The following GABRB2 variants were observed in gnomAD, a reference collection of about 807,000 sequenced individuals.
GABRB2 encodes the protein gamma-aminobutyric acid type A receptor subunit beta2.
GABRB2 carries 16 observed loss-of-function variants against 54.7 expected under a neutral mutation model. The ratio of observed to expected loss-of-function variants is 0.29; its 90% CI spans 0.20 to 0.44. The LOEUF (loss-of-function observed/expected upper bound fraction) is 0.44, where lower values mean the gene tolerates loss of function less well. Among genes scored for constraint, GABRB2 ranks in the 20% least tolerant of loss-of-function variants. GABRB2 has a pLI of 1.00. For synonymous variants in GABRB2, 244 were observed against 233.8 expected (o/e 1.04, Z -0.40); for missense variants, 355 against 644.0 (o/e 0.55, Z 4.86).
At chr5:161,467,669 T>C (rs1758317970) in intron 3 of GABRB2, among the ~76,000 whole-genome samples, 2 of 152,086 alleles carry the variant, frequency 1.3e-5, no homozygotes, top group South Asian at 2.1e-4. Flanking sequence ...TTTCCAAAGA[T>C]TGGAATACCA....
chr5:161,328,028 C>G (rs1445094920), intron 8 of GABRB2, among the ~76,000 whole-genome samples: 1 of 152,080 alleles, frequency 6.6e-6, no homozygotes, highest in African/African-American at 2.4e-5. Flanking sequence ...GTCTGGAAAG[C>G]TTGATGGTCA....
At chr5:161,382,072 G>A (rs1197729998) in intron 5 of GABRB2, among the ~76,000 whole-genome samples, 3 of 152,128 alleles carry the variant, frequency 2.0e-5, no homozygotes. Flanking sequence ...TCTAATCTCA[G>A]CCTTGCTGTG....
chr5:161,481,204 C>T (rs757910002), intron 3 of GABRB2, among the ~76,000 whole-genome samples: 1 of 151,896 alleles, frequency 6.6e-6, no homozygotes, highest in Non-Finnish European at 1.5e-5. Flanking sequence ...TTAAAGGTAA[C>T]TAGATGAATG....
At chr5:161,547,482 GC>G, upstream of GABRB2, among the ~76,000 whole-genome samples, 1 of 151,938 alleles carries the variant, frequency 6.6e-6, no homozygotes, top group East Asian at 1.9e-4. Context: ...CTCACCCTTT[GC>G]CCCCTATTCC....
chr5:161,498,410 C>T (rs1561672315), intron 3 of GABRB2, among the ~76,000 whole-genome samples: 2 of 151,666 alleles, frequency 1.3e-5, no homozygotes, highest in African/African-American at 4.8e-5. Flanking sequence ...TATCTATTGG[C>T]TTTGAGATGC....
At chr5:161,499,974 G>A (rs1759379986) in intron 3 of GABRB2, among the ~76,000 whole-genome samples, 1 of 152,102 alleles carries the variant, frequency 6.6e-6, no homozygotes, top group African/African-American at 2.4e-5. Context: ...AAAAAAAGAA[G>A]TCATTCAAAA....
chr5:161,454,965 C>T (rs10038621), intron 4 of GABRB2, among the ~76,000 whole-genome samples: 17,355 of 152,158 alleles, frequency 0.11, 1,210 homozygotes, highest in African/African-American at 0.18. Flanking sequence ...ATGCTGCAAT[C>T]GTGTGCTTTT....
chr5:161,349,477 C>A (rs1328594482), intron 5 of GABRB2, among the ~76,000 whole-genome samples: 3 of 152,006 alleles, frequency 2.0e-5, no homozygotes, highest in Non-Finnish European at 2.9e-5. Flanking sequence ...TTTGATAGCC[C>A]ACAAATGGTG....
At chr5:161,398,674 T>C (rs1441490484) in intron 5 of GABRB2, among the ~76,000 whole-genome samples, 2 of 150,566 alleles carry the variant, frequency 1.3e-5, no homozygotes, top group African/African-American at 2.5e-5. Context: ...TTGTCTGTTT[T>C]TTTTGTTGTT....
chr5:161,437,473 G>A (rs373569811), intron 4 of GABRB2, among the ~76,000 whole-genome samples: 3 of 152,048 alleles, frequency 2.0e-5, no homozygotes. Flanking sequence ...AAGACCCTTT[G>A]GGCCCTGACT....
chr5:161,400,487 G>A (rs561826829), intron 5 of GABRB2, among the ~76,000 whole-genome samples: 1 of 152,014 alleles, frequency 6.6e-6, no homozygotes, highest in Non-Finnish European at 1.5e-5. Flanking sequence ...ATGTTGTGAA[G>A]TCCTAAACTG....
intron 5 of GABRB2, among the ~76,000 whole-genome samples, chr5:161,367,643 C>A (rs990014077): frequency 1.3e-5 from 2 of 152,146 alleles, no homozygotes; most frequent in African/African-American, 2.4e-5. Flanking sequence ...TGCACATACA[C>A]ATTTATTATA....
intron 9 of GABRB2, among the ~76,000 whole-genome samples, chr5:161,309,019 TTAAAC>T (rs1757781580): frequency 1.3e-5 from 2 of 152,268 alleles, no homozygotes; most frequent in African/African-American, 4.8e-5. Context: ...TGAGGTGTGA[TTAAAC>T]TAAAGAGCTC....
intron 9 of GABRB2, among the ~76,000 whole-genome samples, chr5:161,317,654 C>T (rs1327390360): frequency 6.6e-6 from 1 of 151,986 alleles, no homozygotes. Flanking sequence ...AGAATAAGTA[C>T]ATGGACAATT....
Position 161,346,313 on chromosome 5 carries a change from T to A in GABRB2, c.542-9544A>T, listed in dbSNP as rs73797579. ...CACAATTTTCTCCAGAAGGAGCTAA[T>A]ACCTACAGCTCAAATGGAATAATGT... On this transcript the variant is annotated intron_variant, in intron 5 of 9. Transcript: ENST00000393959. Among the ~76,000 whole-genome samples, 657 of 152,218 alleles carry A rather than the reference T, an allele frequency of 4.3e-3. 7 individuals are homozygous for A. Among genetic ancestry groups the A allele is most frequent in the African/African-American group, 0.014 (583 of 41,568 alleles).
intron 9 of GABRB2, among the ~76,000 whole-genome samples, chr5:161,295,523 A>T (rs1213998561): frequency 6.6e-6 from 1 of 152,228 alleles, no homozygotes; most frequent in Non-Finnish European, 1.5e-5. Flanking sequence ...TTCTGAAATT[A>T]TAAGGAAAAA....
rs552244308 is a variant in GABRB2, at chr5:161,423,362, A to G, written c.459-12305T>C. Among the ~76,000 whole-genome samples the G allele has an allele frequency of 9.9e-5, 15 of 152,258 alleles. No individual in the cohort carries two copies. In the South Asian group the frequency reaches 3.1e-3, roughly 32 times the overall value. On this transcript the variant is annotated intron_variant, in intron 4 of 9. Transcript: ENST00000393959. ...GCACCTTGCAGACATTGTGTTCTTTACAAATTGAAATTTTGTGGTAACCAT... is the reference window on the plus strand; with the variant it reads ...GCACCTTGCAGACATTGTGTTCTTTGCAAATTGAAATTTTGTGGTAACCAT...
intron 5 of GABRB2, among the ~76,000 whole-genome samples, chr5:161,388,306 G>T (rs748878972): frequency 6.9e-4 from 105 of 152,106 alleles, no homozygotes; most frequent in Non-Finnish European, 1.4e-3. Context: ...CATCAAAGCT[G>T]TCAATAGAAG....
Position 161,290,885 on chromosome 5 carries a change from T to G in GABRB2, c.*3196A>C, listed in dbSNP as rs776209228. On this transcript the variant is annotated 3_prime_UTR_variant, in exon 10 of 10. Coordinates refer to ENST00000393959, the MANE Select transcript of GABRB2 (RefSeq NM_001371727.1). The stretch of plus-strand genomic sequence containing the variant: ...TGCTTTTGTAAGCTGACAGATTTTT[T>G]TGTGTGTGTTCCTAATGCTAGAATG... 5 of 152,728 alleles carry G rather than the reference T, an allele frequency of 3.3e-5. No individual in the cohort carries two copies. Among genetic ancestry groups the G allele is most frequent in the South Asian group, 2.1e-4 (1 of 4,828 alleles). 9.5% of individuals were successfully genotyped at this position (152,728 alleles called of 1,614,324 possible). A position where few individuals can be genotyped will look rare whatever the true frequency, so the allele number is the denominator to read the frequency against.
Sources: gnomAD v4.1 joint callset for allele counts (sites outside exome capture counted in the v4.1 genomes callset) on GRCh38, gnomAD v4.1.1 for gene constraint, MANE v1.5 for transcripts, NCBI Gene and HGNC (gene_info 2026-07-23, HGNC 2026-07-21) for gene names.